IL7: variants seen among roughly 807,000 people sequenced by gnomAD.
IL7 encodes the protein interleukin 7, also known as interleukin-7.
In IL7, 3 loss-of-function variants were observed where a neutral mutation model predicts 21.6. The observed-to-expected ratio is 0.14, with a 90% CI of 0.06 to 0.36. The LOEUF (loss-of-function observed/expected upper bound fraction) is 0.36. Ranked by LOEUF, IL7 falls within the 10% of genes least tolerant of loss-of-function variation. The pLI, the probability that IL7 is intolerant of heterozygous loss-of-function variation, is 1.00. For synonymous variants in IL7, 62 were observed against 68.1 expected (o/e 0.91, Z 0.44); for missense variants, 175 against 200.2 (o/e 0.87, Z 0.76).
downstream of IL7, among the ~76,000 whole-genome samples, chr8:78,675,361 G>T (rs1809547532): frequency 6.6e-6 from 1 of 151,810 alleles, no homozygotes. Context: ...TTTTATTCTA[G>T]ATTCTTCAAA....
chr8:78,797,362 T>G (rs1586116069), intron 2 of IL7, among the ~76,000 whole-genome samples: 1 of 151,974 alleles, frequency 6.6e-6, no homozygotes, highest in African/African-American at 2.4e-5. Flanking sequence ...CATAAAACTA[T>G]AAAACATAAA....
intron 3 of IL7, among the ~76,000 whole-genome samples, chr8:78,712,553 CT>C (rs1375349640): frequency 6.6e-6 from 1 of 152,048 alleles, no homozygotes; most frequent in African/African-American, 2.4e-5. Context: ...TTTTAGGAAA[CT>C]TTCAATCCAA....
intron 2 of IL7, among the ~76,000 whole-genome samples, chr8:78,753,254 G>T (rs1812236165): frequency 6.6e-6 from 1 of 152,138 alleles, no homozygotes; most frequent in African/African-American, 2.4e-5. Context: ...GTTGTTTCCT[G>T]ACTTTTTAAT....
At chr8:78,789,093 A>G (rs1813602914) in intron 2 of IL7, among the ~76,000 whole-genome samples, 1 of 152,066 alleles carries the variant, frequency 6.6e-6, no homozygotes, top group Non-Finnish European at 1.5e-5. Context: ...TTTTACTTTC[A>G]ATCTATATGT....
chr8:78,756,430 A>G (rs1812350767), intron 2 of IL7, among the ~76,000 whole-genome samples: 1 of 151,918 alleles, frequency 6.6e-6, no homozygotes. Flanking sequence ...GAACTCAGAA[A>G]TAAAGCCATC....
At chr8:78,752,971 C>T (rs1444828702) in intron 2 of IL7, among the ~76,000 whole-genome samples, 4 of 152,132 alleles carry the variant, frequency 2.6e-5, no homozygotes, top group Admixed American at 6.5e-5. Flanking sequence ...ATATGTGCCA[C>T]GTTTTCTTTA....
intron 1 of IL7, among the ~76,000 whole-genome samples, chr8:78,799,111 T>C (rs1490122148): frequency 2.0e-5 from 3 of 152,174 alleles, no homozygotes; most frequent in Non-Finnish European, 2.9e-5. Context: ...GTGTCTTATT[T>C]GTATCTTTTT....
intron 3 of IL7, among the ~76,000 whole-genome samples, chr8:78,691,103 A>G (rs1020752997): frequency 6.6e-6 from 1 of 152,132 alleles, no homozygotes; most frequent in African/African-American, 2.4e-5. Flanking sequence ...GGCTAGACTA[A>G]TGTTGAATAG....
chr8:78,762,499 C>T, intron 2 of IL7: 1 of 1,127,090 alleles, frequency 8.9e-7, no homozygotes, highest in Non-Finnish European at 1.1e-6. Context: ...GCCCGCCCGT[C>T]GGGGCCGGGG....
intron 2 of IL7, among the ~76,000 whole-genome samples, chr8:78,782,929 G>T (rs1813387777): frequency 6.6e-6 from 1 of 152,136 alleles, no homozygotes. Context: ...AAGATGGATG[G>T]GTCCGGGTGC....
chr8:78,717,945 G>A (rs1811157938), exon 7 of IL7: 1 of 152,102 alleles, frequency 6.6e-6, no homozygotes, highest in Non-Finnish European at 1.5e-5. Flanking sequence ...TAGATGCTGG[G>A]AATTTTGTAA....
chr8:78,738,387 T>G, intron 4 of IL7, 117 bp downstream of exon 4: 2 of 838,114 alleles, frequency 2.4e-6, no homozygotes, highest in Non-Finnish European at 3.5e-6. Flanking sequence ...ACTTCAACTT[T>G]AGATGATAAT....
chr8:78,799,193 C>T (rs1256038001), intron 1 of IL7, among the ~76,000 whole-genome samples: 1 of 152,082 alleles, frequency 6.6e-6, no homozygotes, highest in East Asian at 1.9e-4. Flanking sequence ...TACTTGAATG[C>T]AAGATATTTC....
downstream of IL7, among the ~76,000 whole-genome samples, chr8:78,715,045 G>T (rs1418753986): frequency 6.6e-6 from 1 of 151,908 alleles, no homozygotes; most frequent in East Asian, 1.9e-4. Flanking sequence ...AAATTATTTG[G>T]TTTATCTTTA....
chr8:78,766,192 G>A (rs1033522048), intron 2 of IL7, among the ~76,000 whole-genome samples: 5 of 152,112 alleles, frequency 3.3e-5, no homozygotes, highest in Non-Finnish European at 7.4e-5. Context: ...GGATGAATAG[G>A]AGAGGCACAA....
chr8:78,685,037 TAATAA>T (rs1809920294), intron 4 of IL7, among the ~76,000 whole-genome samples: 2 of 152,150 alleles, frequency 1.3e-5, no homozygotes, highest in African/African-American at 4.8e-5. Context: ...TAAAAAAGCT[TAATAA>T]AATATTAGCC....
intron 3 of IL7, among the ~76,000 whole-genome samples, chr8:78,695,087 C>G (rs1723583111): frequency 6.6e-6 from 1 of 152,014 alleles, no homozygotes. Context: ...GGGAAAACAG[C>G]AAGATACCGA....
intron 2 of IL7, among the ~76,000 whole-genome samples, chr8:78,745,952 G>T (rs1374550082): frequency 1.3e-5 from 2 of 152,054 alleles, no homozygotes; most frequent in African/African-American, 4.8e-5. Flanking sequence ...CTTTGTGTGG[G>T]TGTCAAGTCT....
intron 5 of IL7, among the ~76,000 whole-genome samples, chr8:78,720,554 T>C (rs541028921): frequency 6.6e-6 from 1 of 151,976 alleles, no homozygotes; most frequent in African/African-American, 2.4e-5. Flanking sequence ...GGCCTATTCT[T>C]TTTAAGGGCC....
Sources: allele counts gnomAD v4.1 joint callset (sites outside exome capture counted in the v4.1 genomes callset), GRCh38; gene constraint gnomAD v4.1.1; transcripts MANE v1.5; gene names NCBI Gene and HGNC (gene_info 2026-07-23, HGNC 2026-07-21).